The following SCRIB variants were observed in gnomAD, a reference collection of about 807,000 sequenced individuals.
SCRIB encodes scribble planar cell polarity protein, also known as protein scribble homolog.
In SCRIB, 72 loss-of-function variants were observed where a neutral mutation model predicts 170.0. The observed-to-expected ratio is 0.42, with a 90% CI of 0.35 to 0.52. SCRIB has a LOEUF of 0.52. SCRIB is among the 20% of genes least tolerant of loss of function. SCRIB has a pLI of 0.02. For missense variants in SCRIB, 2,475 were observed against 2,338.5 expected (o/e 1.06, Z -1.20); for synonymous variants, 1,298 against 1,044.3 (o/e 1.24, Z -4.68).
intron 24 of SCRIB, among the ~76,000 whole-genome samples, chr8:143,796,984 C>T (rs1441177970): frequency 1.3e-5 from 2 of 152,176 alleles, no homozygotes; most frequent in African/African-American, 2.4e-5. Flanking sequence ...CAGCTCTGGC[C>T]CCCAGGAGGT....
In SCRIB at chr8:143,805,292, G is replaced by A. The variant is rs782047167; in HGVS notation, c.2490C>T (p.Pro830=). ...ENAVTITPLR[P]EDDYSPRERR... ...GCTCTCGGGGGCTGTAATCATCCTC[G>A]GGCCGCAGCGGCGTGATGGTGACCG... The change falls in exon 19 of 37, where the codon CCC becomes CCT. Residue 830 remains proline (P), a synonymous_variant. Transcript: ENST00000356994. 1.2e-5 allele frequency: 18 copies of A among 1,549,338 alleles called. No individual in the cohort carries two copies. The highest frequency in any genetic ancestry group is 3.8e-5 in the Admixed American group (2 of 53,104).
chr8:143,809,273 G>A (rs1335498522), intron 14 of SCRIB, among the ~76,000 whole-genome samples: 1 of 152,116 alleles, frequency 6.6e-6, no homozygotes, highest in African/African-American at 2.4e-5. Flanking sequence ...ACACCAGGGA[G>A]CCCACGGGGG....
Position 143,806,463 on chromosome 8 carries a change from A to T in SCRIB, c.2290T>A (p.Ser764Thr), listed in dbSNP as rs1554636600. 6 of 1,602,850 alleles carry T rather than the reference A, an allele frequency of 3.7e-6. No individual in the cohort carries two copies. In the South Asian group the frequency reaches 4.5e-5, roughly 12 times the overall value. The change falls in exon 18 of 37, where the codon TCC (serine) becomes ACC (threonine). Residue 764 changes from serine to threonine, a missense_variant. Physicochemically the swap from Ser to Thr is moderately conservative, Grantham distance 58. Coordinates refer to ENST00000356994, the MANE Select transcript of SCRIB (RefSeq NM_182706.5). ...DDEGIFISRV[S>T]EEGPAARAGV... ...GCCCGGGCCGCAGGGCCTTCCTCGG[A>T]CACCCGAGAGATGAATATGCCCTAG... is the stretch of plus-strand genomic sequence containing the variant.
chr8:143,804,246 G>C (rs962851593), intron 21 of SCRIB, 90 bp from the exon 22 acceptor site: 1 of 1,008,558 alleles, frequency 9.9e-7, no homozygotes, highest in Non-Finnish European at 1.4e-6. Flanking sequence ...CGGTCCTTGG[G>C]GATGGCGGGC....
At chr8:143,810,650 G>A (rs752691526) in intron 12 of SCRIB, 36 bp downstream of exon 12, 1 of 1,603,974 alleles carries the variant, frequency 6.2e-7, no homozygotes, top group Non-Finnish European at 8.5e-7. Flanking sequence ...GCAGGGGTCA[G>A]GCAGAGGTTC....
Position 143,804,758 on chromosome 8 carries a change from G to T in SCRIB, c.2819C>A (p.Pro940His), listed in dbSNP as rs144484030. The T allele has an allele frequency of 3.2e-5, 51 of 1,604,442 alleles. No homozygotes were observed. The Middle Eastern group carries it at 5.0e-4, about 16-fold the overall frequency. Residue 940 changes from proline to histidine, a missense_variant, in exon 21 of 37, where the codon CCC becomes CAC. By Grantham distance (77) the Pro-to-His change is moderately conservative. Coordinates refer to ENST00000356994, the MANE Select transcript of SCRIB (RefSeq NM_182706.5). Reference sequence around the variant, plus strand: ...CCGCTCCAACAGCAGGGCGATGGTGGGGGAGGCAGCGGTCAGCAGGGAGAC... The same window carrying T: ...CCGCTCCAACAGCAGGGCGATGGTGTGGGAGGCAGCGGTCAGCAGGGAGAC... ...HAVSLLTAAS[P>H]TIALLLEREA...
At position 143,792,011 on chromosome 8, in the gene SCRIB, G is replaced by C. The variant is rs782756074; in HGVS notation, c.4637C>G (p.Pro1546Arg). The C allele has an allele frequency of 3.9e-6, 6 of 1,540,140 alleles. No individual in the cohort carries two copies. Among genetic ancestry groups the C allele is most frequent in the Non-Finnish European group, 8.7e-7 (1 of 1,145,862 alleles). Residue 1546 changes from proline to arginine, a missense_variant, in exon 33 of 37, where the codon CCG becomes CGG. By Grantham distance (103) the Pro-to-Arg change is moderately radical. This residue lies in a region of SCRIB where 1,966 missense variants were observed against 1,742.9 expected (regional missense o/e 1.13). Transcript: ENST00000356994. ...LAEAPSPAPTPSPTPVEDLGP... is the reference protein window; with the variant it reads ...LAEAPSPAPTRSPTPVEDLGP... ...CAGACCTTCCACAGGGGTGGGCGAC[G>C]GGGTGGGCGCAGGGGAAGGGGCCTC...
chr8:143,812,799 AC>A lies in SCRIB; in HGVS notation c.787+17del, dbSNP rs1431811105. ...CAGGCTCCGTGTGCCCCACCCAGGC[AC>A]CCCCAGGCACACTAACCGATGCCGT... On this transcript the variant is annotated intron_variant, in intron 8 of 36. Coordinates refer to ENST00000356994, the MANE Select transcript of SCRIB (RefSeq NM_182706.5). 1.3e-6 allele frequency: 2 copies of A among 1,591,396 alleles called. No individual in the cohort carries two copies. Among genetic ancestry groups the A allele is most frequent in the African/African-American group, 1.3e-5 (1 of 74,662 alleles).
intron 27 of SCRIB, 101 bp downstream of exon 27, chr8:143,794,937 C>T: frequency 1.6e-6 from 2 of 1,223,322 alleles, no homozygotes; most frequent in East Asian, 2.4e-5. Flanking sequence ...CCAGCCCCCG[C>T]CCAAAGGTTC....
Position 143,810,894 on chromosome 8 carries a change from CCAA to C in SCRIB, c.1273+9_1273+11del. The C allele has an allele frequency of 2.5e-6, 4 of 1,610,812 alleles. No individual in the cohort carries two copies. The highest frequency in any genetic ancestry group is 3.4e-6 in the Non-Finnish European group (4 of 1,179,864). On this transcript the variant is annotated intron_variant, in intron 11 of 36. Transcript: ENST00000356994. The stretch of plus-strand genomic sequence containing the variant: ...GCCACCCCGCGCTAAGCACCGGTTG[CCAA>C]CAACCTACCGAGGCTGGGTGGGGGC...
rs781060422 is a variant in SCRIB, at chr8:143,811,046, G to A, written c.1133C>T (p.Thr378Ile). 2 of 1,612,390 alleles carry A rather than the reference G, an allele frequency of 1.2e-6. No individual in the cohort carries two copies. Among genetic ancestry groups the A allele is most frequent in the Non-Finnish European group, 1.7e-6 (2 of 1,179,638 alleles). The change falls in exon 11 of 37, where the codon ACC becomes ATC. Residue 378 changes from threonine to isoleucine, a missense_variant. This residue lies in a region of SCRIB where 487 missense variants were observed against 558.1 expected (regional missense o/e 0.87). Coordinates refer to ENST00000356994, the MANE Select transcript of SCRIB (RefSeq NM_182706.5). ...NRLQSLPFALTHLNLKALWLA... is the reference protein window; with the variant it reads ...NRLQSLPFALIHLNLKALWLA... ...CCACAGGGCCTTGAGATTGAGGTGGGTGAGCGCGAACGGCAGACTCTGCAG... is the reference window on the plus strand; with the variant it reads ...CCACAGGGCCTTGAGATTGAGGTGGATGAGCGCGAACGGCAGACTCTGCAG...
intron 19 of SCRIB, 49 bp from the exon 20 acceptor site, chr8:143,805,063 G>A (rs782027095): frequency 2.3e-5 from 36 of 1,583,870 alleles, no homozygotes; most frequent in African/African-American, 1.9e-4. Flanking sequence ...GCTGGAGTGC[G>A]GCTGTCAGCT....
chr8:143,814,286 G>A (rs765250648), intron 1 of SCRIB, among the ~76,000 whole-genome samples, 168 bp from the exon 2 acceptor site: 1 of 152,104 alleles, frequency 6.6e-6, no homozygotes, highest in African/African-American at 2.4e-5. Context: ...AAAAAGGAAA[G>A]AAACACACGG....
chr8:143,813,781 A>C (rs780389600), intron 3 of SCRIB, 37 bp downstream of exon 3: 3 of 1,610,440 alleles, frequency 1.9e-6, no homozygotes, highest in Non-Finnish European at 1.7e-6. Context: ...TGTGGGACCC[A>C]TAGCCCCTAC....
intron 24 of SCRIB, among the ~76,000 whole-genome samples, chr8:143,802,797 G>A (rs574199309): frequency 2.0e-5 from 3 of 152,230 alleles, no homozygotes; most frequent in Non-Finnish European, 4.4e-5. Context: ...GCCCCACCTC[G>A]CATCCCAACT....
At chr8:143,798,696 G>A (rs782651742) in intron 24 of SCRIB, among the ~76,000 whole-genome samples, 1 of 152,152 alleles carries the variant, frequency 6.6e-6, no homozygotes, top group African/African-American at 2.4e-5. Flanking sequence ...TGAGTTAAAT[G>A]TAACAGTACA....
In SCRIB at chr8:143,810,654, G is replaced by A. The variant is rs746863999; in HGVS notation, c.1404+32C>T. 4.4e-6 allele frequency: 7 copies of A among 1,603,532 alleles called. No individual in the cohort carries two copies. In the South Asian group the frequency reaches 4.4e-5, roughly 10 times the overall value. The stretch of plus-strand genomic sequence containing the variant: ...GCAGCCACAGGGCAGGGGTCAGGCA[G>A]AGGTTCGCCCCCCAGATCCTCACCC... On this transcript the variant is annotated intron_variant, in intron 12 of 36. Transcript: ENST00000356994.
At chr8:143,808,280 GCCTCTGGCACTGAGACCAAC>G (rs1563802087) in intron 15 of SCRIB, among the ~76,000 whole-genome samples, 1 of 148,022 alleles carries the variant, frequency 6.8e-6, no homozygotes, top group African/African-American at 2.5e-5. Context: ...CAGCAGAGCT[GCCTCTGGCACTGAGACCAAC>G]GCCAGGGCAG....
At chr8:143,806,853 G>T in intron 17 of SCRIB, 71 bp downstream of exon 17, 1 of 1,090,120 alleles carries the variant, frequency 9.2e-7, no homozygotes, top group South Asian at 1.5e-5. Flanking sequence ...CAAGGGGCCT[G>T]TGTGCCATCA....
Sources: gnomAD v4.1 joint callset for allele counts (sites outside exome capture counted in the v4.1 genomes callset) on GRCh38, gnomAD v4.1.1 for gene constraint, gnomAD v4.1.1 regional missense constraint, MANE v1.5 for transcripts, NCBI Gene and HGNC (gene_info 2026-07-23, HGNC 2026-07-21) for gene names.